The following TIGAR variants were observed in gnomAD, a reference collection of about 807,000 sequenced individuals.
TIGAR encodes fructose-2,6-bisphosphatase TIGAR.
In TIGAR, 7 loss-of-function variants were observed where a neutral mutation model predicts 17.9. That is an observed-to-expected ratio of 0.39 (90% CI 0.22 to 0.73). TIGAR has a LOEUF of 0.73. Ranked by LOEUF, TIGAR falls within the 30% of genes least tolerant of loss-of-function variation. TIGAR has a pLI of 0.42. For missense variants in TIGAR, 258 were observed against 327.4 expected, an observed-to-expected ratio of 0.79 and a Z score of 1.64; for synonymous variants, 94 against 108.6, an observed-to-expected ratio of 0.87 and a Z score of 0.84.
chr12:4,357,914 T>G lies in TIGAR; in HGVS notation c.*5223T>G, dbSNP rs375567035. On this transcript the variant is annotated 3_prime_UTR_variant, in exon 6 of 6. Transcript: ENST00000179259. ...GTCAGGAGATAGAGACCATCCTGGC[T>G]AACACAGTGAAACCTCGTCTCCACT... Among the ~76,000 whole-genome samples the G allele has an allele frequency of 3.3e-5, 5 of 150,858 alleles. No homozygotes were observed. Among genetic ancestry groups the G allele is most frequent in the Non-Finnish European group, 7.4e-5 (5 of 67,776 alleles).
chr12:4,348,892 TA>T (rs1211509111), intron 3 of TIGAR, among the ~76,000 whole-genome samples: 1 of 152,216 alleles, frequency 6.6e-6, no homozygotes, highest in Non-Finnish European at 1.5e-5. Context: ...CCACATGACT[TA>T]CCCGATGGAG....
chr12:4,336,335 C>T (rs1864657268), intron 2 of TIGAR, among the ~76,000 whole-genome samples: 1 of 152,076 alleles, frequency 6.6e-6, no homozygotes, highest in Admixed American at 6.6e-5. Flanking sequence ...CCTCATAGTC[C>T]ACCACCTTCA....
At chr12:4,338,935 C>T (rs1296279864) in intron 3 of TIGAR, among the ~76,000 whole-genome samples, 2 of 131,466 alleles carry the variant, frequency 1.5e-5, no homozygotes, top group Non-Finnish European at 3.1e-5. Context: ...GAGATTGTGC[C>T]ACTGCACTCC....
chr12:4,358,906 A>T lies in TIGAR; in HGVS notation c.*6215A>T, dbSNP rs925537548. On this transcript the variant is annotated 3_prime_UTR_variant, in exon 6 of 6. Coordinates refer to ENST00000179259, the MANE Select transcript of TIGAR (RefSeq NM_020375.3). ...GTCTTTCTTGATCTTGTTACTTTTTAAAAAATAGGTGAGTTCTTGTGGTTT... is the reference window on the plus strand; with the variant it reads ...GTCTTTCTTGATCTTGTTACTTTTTTAAAAATAGGTGAGTTCTTGTGGTTT... 6.6e-6 allele frequency among the ~76,000 whole-genome samples: 1 copy of T among 151,958 alleles called. No homozygotes were observed. Among genetic ancestry groups the T allele is most frequent in the South Asian group, 2.1e-4 (1 of 4,808 alleles).
In TIGAR at chr12:4,357,327, A is replaced by G. The variant is rs140473703; in HGVS notation, c.*4636A>G. On this transcript the variant is annotated 3_prime_UTR_variant, in exon 6 of 6. Coordinates refer to ENST00000179259, the MANE Select transcript of TIGAR (RefSeq NM_020375.3). ...AATTGAAATAGATCATCCTAGGTGA[A>G]TCCACCTGGCATAATTATCAGCCCT... is the stretch of plus-strand genomic sequence containing the variant. 7.9e-5 allele frequency among the ~76,000 whole-genome samples: 12 copies of G among 152,374 alleles called. No individual in the cohort carries two copies. The East Asian group carries it at 1.9e-3, about 24-fold the overall frequency.
intron 3 of TIGAR, among the ~76,000 whole-genome samples, chr12:4,346,487 C>T (rs1009766807): frequency 6.6e-6 from 1 of 152,110 alleles, no homozygotes; most frequent in Non-Finnish European, 1.5e-5. Context: ...CCATCATTCT[C>T]AGCAAACCAT....
In TIGAR at chr12:4,358,883, C is replaced by T. The variant is rs555813138; in HGVS notation, c.*6192C>T. ...ATCTATCTAACCAGATGAACTTTGT[C>T]TTTCTTGATCTTGTTACTTTTTAAA... On this transcript the variant is annotated 3_prime_UTR_variant, in exon 6 of 6. Coordinates refer to ENST00000179259, the MANE Select transcript of TIGAR (RefSeq NM_020375.3). Among the ~76,000 whole-genome samples the T allele has an allele frequency of 2.0e-5, 3 of 152,038 alleles. No homozygotes were observed. The highest frequency in any genetic ancestry group is 7.2e-5 in the African/African-American group (3 of 41,470).
chr12:4,347,811 C>T (rs976992839), intron 3 of TIGAR, among the ~76,000 whole-genome samples: 3 of 152,000 alleles, frequency 2.0e-5, no homozygotes, highest in African/African-American at 7.2e-5. Flanking sequence ...ATGATAATAA[C>T]CTAAATGTAG....
intron 1 of TIGAR, among the ~76,000 whole-genome samples, chr12:4,327,856 C>T (rs1420759941): frequency 6.6e-6 from 1 of 151,986 alleles, no homozygotes; most frequent in African/African-American, 2.4e-5. Flanking sequence ...TTGGTAGAGA[C>T]GGGGTTTCAC....
In TIGAR at chr12:4,321,998, A is replaced by T. The variant is rs754576984; in HGVS notation, c.32+695A>T. Among the ~76,000 whole-genome samples, 569 of 114,080 alleles carry T rather than the reference A, an allele frequency of 5.0e-3. 2 individuals carry two copies. Among genetic ancestry groups the T allele is most frequent in the Middle Eastern group, 0.013 (3 of 232 alleles). The allele number at this position is 114,080 out of a possible 152,430, so 74.8% of individuals were successfully genotyped here. On this transcript the variant is annotated intron_variant, in intron 1 of 5. Coordinates refer to ENST00000179259, the MANE Select transcript of TIGAR (RefSeq NM_020375.3). The surrounding 1 kb of genome is among the most constrained non-coding windows in gnomAD (Gnocchi z 5.2). ...GTTAAGAGCACAGATTTTTATTTTT[A>T]TTTTTTTTTTTTTGTGAGATGGAGC... is the stretch of plus-strand genomic sequence containing the variant.
intron 3 of TIGAR, among the ~76,000 whole-genome samples, chr12:4,346,370 G>A (rs1165226640): frequency 6.6e-6 from 1 of 152,122 alleles, no homozygotes; most frequent in Non-Finnish European, 1.5e-5. Flanking sequence ...GTCCAATAAT[G>A]ATAGACTGGA....
intron 1 of TIGAR, among the ~76,000 whole-genome samples, chr12:4,322,469 A>T (rs1363326436): frequency 2.0e-5 from 3 of 152,256 alleles, no homozygotes; most frequent in Non-Finnish European, 2.9e-5. Context: ...ACAGGGAAAG[A>T]AATATATCTG....
intron 1 of TIGAR, among the ~76,000 whole-genome samples, chr12:4,330,989 T>G (rs1043689128): frequency 6.6e-6 from 1 of 152,238 alleles, no homozygotes; most frequent in Non-Finnish European, 1.5e-5. Context: ...GGCTGAAATG[T>G]TATTTGCATT....
rs1445071788 is a variant in TIGAR, at chr12:4,321,242, G to T, written c.-30G>T. 6.2e-7 allele frequency: 1 copy of T among 1,600,074 alleles called. No individual in the cohort carries two copies. Among genetic ancestry groups the T allele is most frequent in the Non-Finnish European group, 8.5e-7 (1 of 1,179,730 alleles). Reference sequence around the variant, plus strand: ...CGCAGTGCAGGGGCAGCGCGGCGCGGGGCCACCGACGGGACGCGGCTCCGG... The same window carrying T: ...CGCAGTGCAGGGGCAGCGCGGCGCGTGGCCACCGACGGGACGCGGCTCCGG... On this transcript the variant is annotated 5_prime_UTR_variant, in exon 1 of 6. Transcript: ENST00000179259. This position sits in a 1 kb window ranked among gnomAD's most constrained non-coding sequence, Gnocchi z 5.2.
intron 3 of TIGAR, among the ~76,000 whole-genome samples, chr12:4,345,061 G>A (rs1265299486): frequency 6.6e-6 from 1 of 152,088 alleles, no homozygotes; most frequent in Non-Finnish European, 1.5e-5. Flanking sequence ...GGGATATGAA[G>A]GACCTCTTCA....
intron 1 of TIGAR, among the ~76,000 whole-genome samples, chr12:4,323,105 A>G (rs1231492706): frequency 2.0e-5 from 3 of 150,208 alleles, no homozygotes; most frequent in Non-Finnish European, 4.5e-5. Context: ...CTCTCTACAA[A>G]AAAAAAAAAA....
At chr12:4,332,418 AT>A (rs1864613880) in intron 2 of TIGAR, among the ~76,000 whole-genome samples, 1 of 151,164 alleles carries the variant, frequency 6.6e-6, no homozygotes, top group African/African-American at 2.4e-5. Context: ...TAATTTTTGT[AT>A]TTTTGGTAGA....
chr12:4,342,157 G>T (rs113513769), intron 3 of TIGAR, among the ~76,000 whole-genome samples: 2,775 of 152,274 alleles, frequency 0.018, 70 homozygotes, highest in African/African-American at 0.063. Context: ...TCAAATGAAT[G>T]AAATGAAGTG....
intron 1 of TIGAR, among the ~76,000 whole-genome samples, chr12:4,327,637 G>A (rs1256379025): frequency 6.6e-6 from 1 of 152,180 alleles, no homozygotes; most frequent in East Asian, 1.9e-4. Context: ...CAGCTCCCTA[G>A]GCATGGAGGC....
Sources: gnomAD v4.1 joint callset for allele counts (sites outside exome capture counted in the v4.1 genomes callset) on GRCh38, gnomAD v4.1.1 for gene constraint, Gnocchi (gnomAD v3.1) non-coding constraint, MANE v1.5 for transcripts, NCBI Gene and HGNC (gene_info 2026-07-23, HGNC 2026-07-21) for gene names.